ZNF385B: variants seen among roughly 807,000 people sequenced by gnomAD.
ZNF385B encodes zinc finger protein 385B, also known as zinc finger protein 533.
ZNF385B carries 23 observed loss-of-function variants against 39.2 expected under a neutral mutation model. The ratio of observed to expected loss-of-function variants is 0.59; its 90% CI spans 0.42 to 0.83. ZNF385B has a LOEUF of 0.83. Ranked by LOEUF, ZNF385B falls within the 40% of genes least tolerant of loss-of-function variation. The probability of loss-of-function intolerance (pLI) is 0.00; values close to 1 mark genes in which losing one functional copy is unlikely to be tolerated. For missense variants in ZNF385B, 552 were observed against 598.9 expected (o/e 0.92, Z 0.82); for synonymous variants, 205 against 222.6 (o/e 0.92, Z 0.70).
intron 3 of ZNF385B, among the ~76,000 whole-genome samples, chr2:179,728,273 C>T (rs191097946): frequency 7.0e-4 from 106 of 152,156 alleles, no homozygotes; most frequent in African/African-American, 1.1e-3. Context: ...TGAGTGCAGC[C>T]GAACTTCAAG....
At chr2:179,743,027 T>A (rs1034983944) in intron 3 of ZNF385B, among the ~76,000 whole-genome samples, 1 of 152,098 alleles carries the variant, frequency 6.6e-6, no homozygotes, top group African/African-American at 2.4e-5. Flanking sequence ...TCTGAGTGAA[T>A]GTCCTATGTT....
chr2:179,724,832 T>A (rs945843514), intron 3 of ZNF385B, among the ~76,000 whole-genome samples: 4 of 152,186 alleles, frequency 2.6e-5, no homozygotes, highest in African/African-American at 9.6e-5. Context: ...GATGGGAATG[T>A]GTCTGTCATC....
chr2:179,664,044 GT>G (rs1694836254), intron 3 of ZNF385B, among the ~76,000 whole-genome samples: 1 of 142,764 alleles, frequency 7.0e-6, no homozygotes. Flanking sequence ...ATTATAAATA[GT>G]TTTAAGTAAA....
chr2:179,773,636 GACTC>G (rs1704139775), intron 1 of ZNF385B, among the ~76,000 whole-genome samples: 1 of 152,046 alleles, frequency 6.6e-6, no homozygotes, highest in Non-Finnish European at 1.5e-5. Context: ...TTTACTTATT[GACTC>G]ACTCATTTCA....
At chr2:179,791,172 T>A (rs551295156) in intron 1 of ZNF385B, among the ~76,000 whole-genome samples, 1 of 152,238 alleles carries the variant, frequency 6.6e-6, no homozygotes, top group African/African-American at 2.4e-5. Flanking sequence ...ATGATTCCGA[T>A]CTACATGAAC....
chr2:179,686,982 A>G (rs1393068187), intron 3 of ZNF385B, among the ~76,000 whole-genome samples: 7 of 150,676 alleles, frequency 4.6e-5, no homozygotes, highest in African/African-American at 1.7e-4. Context: ...TTTTTTCAAA[A>G]TATCTTCATA....
intron 3 of ZNF385B, among the ~76,000 whole-genome samples, chr2:179,599,122 A>G (rs1210763081): frequency 6.6e-6 from 1 of 152,244 alleles, no homozygotes; most frequent in Non-Finnish European, 1.5e-5. Flanking sequence ...CCTTAAGATT[A>G]TATAATACTG....
chr2:179,602,386 G>C (rs1255210307), intron 3 of ZNF385B, among the ~76,000 whole-genome samples: 1 of 152,152 alleles, frequency 6.6e-6, no homozygotes, highest in Non-Finnish European at 1.5e-5. Context: ...AGTAGAGACA[G>C]GGTTTCACCA....
At chr2:179,808,838 C>A (rs1235550745) in intron 1 of ZNF385B, among the ~76,000 whole-genome samples, 1 of 152,090 alleles carries the variant, frequency 6.6e-6, no homozygotes, top group Non-Finnish European at 1.5e-5. Context: ...AACAACAAAA[C>A]ACATATTATG....
intron 1 of ZNF385B, among the ~76,000 whole-genome samples, chr2:179,815,516 C>T (rs773428789): frequency 6.6e-6 from 1 of 152,164 alleles, no homozygotes; most frequent in Non-Finnish European, 1.5e-5. Context: ...TTTACCTAAA[C>T]ACATGTCAAG....
chr2:179,759,104 C>T (rs1410676726), intron 3 of ZNF385B, among the ~76,000 whole-genome samples: 4 of 152,214 alleles, frequency 2.6e-5, no homozygotes, highest in Admixed American at 2.0e-4. Context: ...CTTTGCTTGA[C>T]TAACTTTTTT....
At chr2:179,798,773 T>A (rs1267012440) in intron 1 of ZNF385B, among the ~76,000 whole-genome samples, 1 of 152,144 alleles carries the variant, frequency 6.6e-6, no homozygotes, top group Non-Finnish European at 1.5e-5. Flanking sequence ...TGGTATGCCA[T>A]GTACTTGTTA....
At chr2:179,736,618 T>C (rs893428603) in intron 3 of ZNF385B, among the ~76,000 whole-genome samples, 1 of 152,208 alleles carries the variant, frequency 6.6e-6, no homozygotes, top group Non-Finnish European at 1.5e-5. Context: ...CTTGAGCTTT[T>C]AATCATCATT....
intron 1 of ZNF385B, among the ~76,000 whole-genome samples, chr2:179,773,108 C>G (rs1205275477): frequency 6.6e-6 from 1 of 152,038 alleles, no homozygotes; most frequent in Non-Finnish European, 1.5e-5. Context: ...AGGAAATTTT[C>G]CAATGTTACA....
intron 3 of ZNF385B, among the ~76,000 whole-genome samples, chr2:179,681,225 T>C (rs1274289799): frequency 6.6e-6 from 1 of 152,178 alleles, no homozygotes; most frequent in East Asian, 1.9e-4. Context: ...ATTTTCCATT[T>C]ATTTTTATTT....
intron 3 of ZNF385B, among the ~76,000 whole-genome samples, chr2:179,664,475 T>C (rs1694899186): frequency 6.6e-6 from 1 of 152,174 alleles, no homozygotes; most frequent in Non-Finnish European, 1.5e-5. Context: ...CTACTACTTA[T>C]TTGAATAGAT....
intron 3 of ZNF385B, among the ~76,000 whole-genome samples, chr2:179,753,913 A>G (rs1702845738): frequency 6.6e-6 from 1 of 152,162 alleles, no homozygotes; most frequent in South Asian, 2.1e-4. Context: ...TCCTAATTGA[A>G]TACTCTTTAT....
chr2:179,557,464 T>C (rs3112934), intron 3 of ZNF385B, among the ~76,000 whole-genome samples: 149,102 of 149,690 alleles, frequency 1, 74,257 homozygotes, highest in East Asian at 1. Context: ...TATAACAGTT[T>C]ATTTTATTTT....
At chr2:179,557,783 T>G (rs1447692041) in intron 3 of ZNF385B, among the ~76,000 whole-genome samples, 38 of 152,030 alleles carry the variant, frequency 2.5e-4, no homozygotes, top group Non-Finnish European at 1.5e-5. Flanking sequence ...GGGTATATTG[T>G]ATGATGCTGA....
Sources: gnomAD v4.1 joint callset for allele counts (sites outside exome capture counted in the v4.1 genomes callset) on GRCh38, gnomAD v4.1.1 for gene constraint, MANE v1.5 for transcripts, NCBI Gene and HGNC (gene_info 2026-07-23, HGNC 2026-07-21) for gene names.